The following RBM10 variants were observed in gnomAD, a reference collection of about 807,000 sequenced individuals.
RBM10 encodes RNA-binding protein 10.
Under a neutral mutation model 84.9 loss-of-function variants are expected in RBM10, and 1 was observed. The observed-to-expected ratio is 0.01, with a 90% CI of 0.00 to 0.06. The LOEUF is 0.06. Ranked by LOEUF, RBM10 falls within the 10% of genes least tolerant of loss-of-function variation. The probability of loss-of-function intolerance (pLI) is 1.00; values close to 1 mark genes in which losing one functional copy is unlikely to be tolerated. For missense variants in RBM10, 438 were observed against 839.0 expected, an observed-to-expected ratio of 0.52 and a Z score of 5.90; for synonymous variants, 326 against 344.5, an observed-to-expected ratio of 0.95 and a Z score of 0.60.
In RBM10 at chrX:47,171,337, T is replaced by A. The variant is rs1934653756; in HGVS notation, c.432+79T>A. 3 of 1,164,646 alleles carry A rather than the reference T, an allele frequency of 2.6e-6. No individual in the cohort carries two copies. The East Asian group carries it at 9.2e-5, about 36-fold the overall frequency. ...CCCTCAACTTCTCCCCACCCCTCCC[T>A]CACCTGCAACCTCAGCGCCTTTCAT... On this transcript the variant is annotated intron_variant, in intron 4 of 23. Coordinates refer to ENST00000377604, the MANE Select transcript of RBM10 (RefSeq NM_005676.5).
At chrX:47,163,142 T>G (rs1933866749) in intron 2 of RBM10, among the ~76,000 whole-genome samples, 1 of 110,732 alleles carries the variant, frequency 9.0e-6, no homozygotes, top group Non-Finnish European at 1.9e-5. Flanking sequence ...ACAAAATACC[T>G]GGCCAGTGCT....
chrX:47,155,003 T>C (rs1403001153), intron 2 of RBM10, among the ~76,000 whole-genome samples: 1 of 106,605 alleles, frequency 9.4e-6, no homozygotes, highest in Non-Finnish European at 1.9e-5. Context: ...AAAAATTAGC[T>C]GGGTGTGGTG....
At chrX:47,146,122 T>C (rs782464260) in intron 1 of RBM10, among the ~76,000 whole-genome samples, 2 of 110,924 alleles carry the variant, frequency 1.8e-5, no homozygotes, top group East Asian at 5.7e-4. Context: ...CGCTCATCCA[T>C]GGAAAGGGGA....
At chrX:47,167,450 G>A (rs1376204042) in intron 2 of RBM10, among the ~76,000 whole-genome samples, 3 of 102,078 alleles carry the variant, frequency 2.9e-5, no homozygotes, top group South Asian at 4.6e-4. Flanking sequence ...CGCAGCCTCC[G>A]CCTCCCGGGT....
chrX:47,167,378 CTTTTTTT>C (rs59244074), intron 2 of RBM10, among the ~76,000 whole-genome samples: 1 of 88,506 alleles, frequency 1.1e-5, no homozygotes, highest in Non-Finnish European at 2.3e-5. Context: ...GATTTCATTT[CTTTTTTT>C]TTTTTTTTTT....
intron 2 of RBM10, among the ~76,000 whole-genome samples, chrX:47,161,320 G>T (rs1933660045): frequency 9.0e-6 from 1 of 110,861 alleles, no homozygotes; most frequent in South Asian, 3.7e-4. Context: ...GATAGTTATT[G>T]TAACTATTAT....
At position 47,179,332 on chromosome X, in the gene RBM10, G is replaced by A. The variant is rs782599501; in HGVS notation, c.738G>A (p.Lys246=). The change falls in exon 9 of 24, where the codon AAG becomes AAA. Residue 246 remains lysine (K), a synonymous_variant. Transcript: ENST00000377604. ...TGCCCCTGACAGAGGCAGAGCAGAA[G>A]CTGCCCCTCGGCACGAGGCTGGATC... ...CGVPKSEAEQ[K]LPLGTRLDQQ... 5 of 1,197,428 alleles carry A rather than the reference G, an allele frequency of 4.2e-6. No individual in the cohort carries two copies. In the East Asian group the frequency reaches 1.2e-4, roughly 29 times the overall value.
chrX:47,165,759 C>A (rs964582776), intron 2 of RBM10, among the ~76,000 whole-genome samples: 1 of 111,041 alleles, frequency 9.0e-6, no homozygotes, highest in Non-Finnish European at 1.9e-5. Flanking sequence ...CAGTGGCTCA[C>A]GCCTGTAATC....
intron 5 of RBM10, among the ~76,000 whole-genome samples, chrX:47,173,998 A>C (rs2147146540): frequency 1.2e-5 from 1 of 80,423 alleles, no homozygotes; most frequent in African/African-American, 5.1e-5. Flanking sequence ...CCATCCTCCT[A>C]TGCATCCTAA....
chrX:47,163,598 G>C (rs1358836471), intron 2 of RBM10, among the ~76,000 whole-genome samples: 1 of 111,856 alleles, frequency 8.9e-6, no homozygotes, highest in African/African-American at 3.2e-5. Context: ...GGAATTACAG[G>C]TGTGAGCCCA....
At chrX:47,162,614 G>A (rs1439919299) in intron 2 of RBM10, among the ~76,000 whole-genome samples, 2 of 111,148 alleles carry the variant, frequency 1.8e-5, no homozygotes, top group East Asian at 5.6e-4. Context: ...GGTGGCTCAC[G>A]CCTGTAATCC....
intron 2 of RBM10, among the ~76,000 whole-genome samples, chrX:47,163,859 ATTTTTT>A (rs35919377): frequency 7.5e-5 from 3 of 40,108 alleles, no homozygotes; most frequent in African/African-American, 4.8e-4. Context: ...CGCCTGGCTA[ATTTTTT>A]TTTTTTTTTT....
At chrX:47,160,750 G>A (rs1346527995) in intron 2 of RBM10, among the ~76,000 whole-genome samples, 1 of 111,389 alleles carries the variant, frequency 9.0e-6, no homozygotes, top group Non-Finnish European at 1.9e-5. Flanking sequence ...GGGAATTTAA[G>A]TTTTCACCCA....
At chrX:47,181,061 G>A (rs782665841) in intron 12 of RBM10, among the ~76,000 whole-genome samples, 154 bp from the exon 13 acceptor site, 5 of 111,023 alleles carry the variant, frequency 4.5e-5, no homozygotes, top group Non-Finnish European at 9.4e-5. Flanking sequence ...TTGTGGCCAG[G>A]CAACCCTCGC....
At position 47,157,267 on chromosome X, in the gene RBM10, C is replaced by T. The variant is rs781980170; in HGVS notation, c.17+9769C>T. 26 of 315,004 alleles carry T rather than the reference C, an allele frequency of 8.3e-5. No homozygotes were observed. In the Middle Eastern group the frequency reaches 3.3e-3, roughly 40 times the overall value. The allele number at this position is 315,004 out of a possible 1,213,427, so 26.0% of individuals were successfully genotyped here. ...TTCTTGAGCAAGGGCCTCTGGACCA[C>T]GGTGTAGGACTTGCTGACCACGAAC... On this transcript the variant is annotated intron_variant, in intron 2 of 23. Coordinates refer to ENST00000377604, the MANE Select transcript of RBM10 (RefSeq NM_005676.5).
chrX:47,177,800 A>G (rs1490700649), intron 7 of RBM10, among the ~76,000 whole-genome samples: 1 of 110,957 alleles, frequency 9.0e-6, no homozygotes, highest in Non-Finnish European at 1.9e-5. Context: ...TTTTTTTGGT[A>G]GAGACAGGGT....
chrX:47,163,777 C>A lies in RBM10; in HGVS notation c.18-5538C>A, dbSNP rs782154537. Among the ~76,000 whole-genome samples, 5 of 109,384 alleles carry A rather than the reference C, an allele frequency of 4.6e-5. No homozygotes were observed. In the East Asian group the frequency reaches 1.1e-3, roughly 25 times the overall value. The allele number at this position is 109,384 out of a possible 115,157, so 95.0% of individuals were successfully genotyped here. A position where few individuals can be genotyped will look rare whatever the true frequency, so the allele number is the denominator to read the frequency against. ...GCGCGATCTCGGCTCACTGCAAGCT[C>A]CGCCTCCCAGGTTCACGCCATTGTC... On this transcript the variant is annotated intron_variant, in intron 2 of 23. Transcript: ENST00000377604.
At chrX:47,146,382 AGT>A (rs781906808) in intron 1 of RBM10, among the ~76,000 whole-genome samples, 129 of 111,024 alleles carry the variant, frequency 1.2e-3, no homozygotes, top group African/African-American at 3.9e-3. Flanking sequence ...AGAAAATTGG[AGT>A]GTGTTTGTCT....
At position 47,185,430 on chromosome X, in the gene RBM10, C is replaced by T. The variant is rs370758090; in HGVS notation, c.2167-12C>T. ...CTGGCCAGGCCTGACCGCCCACCCT[C>T]ACCCTCTACAGAGCCCTCCGCGAGG... On this transcript the variant is annotated splice_polypyrimidine_tract_variant and intron_variant, in intron 19 of 23. Coordinates refer to ENST00000377604, the MANE Select transcript of RBM10 (RefSeq NM_005676.5). The T allele has an allele frequency of 1.7e-6, 2 of 1,173,729 alleles. No homozygotes were observed. The highest frequency in any genetic ancestry group is 2.3e-6 in the Non-Finnish European group (2 of 876,476).
Sources: gnomAD v4.1 joint callset for allele counts (sites outside exome capture counted in the v4.1 genomes callset) on GRCh38, gnomAD v4.1.1 for gene constraint, MANE v1.5 for transcripts, NCBI Gene and HGNC (gene_info 2026-07-23, HGNC 2026-07-21) for gene names.